Variants in SORBS3 observed in about 807,000 individuals in gnomAD.
SORBS3 encodes vinexin.
Under a neutral mutation model 98.0 loss-of-function variants are expected in SORBS3, and 69 were observed. The ratio of observed to expected loss-of-function variants is 0.70; its 90% confidence interval spans 0.58 to 0.86. The LOEUF (loss-of-function observed/expected upper bound fraction) is 0.86. Ranked by LOEUF, SORBS3 falls within the 40% of genes least tolerant of loss-of-function variation. The pLI, the probability that SORBS3 is intolerant of heterozygous loss-of-function variation, is 0.00. For synonymous variants in SORBS3, 394 were observed against 355.4 expected, an observed-to-expected ratio of 1.11 and a Z score of -1.22; for missense variants, 954 against 908.5, an observed-to-expected ratio of 1.05 and a Z score of -0.64.
At chr8:22,572,248 T>C in intron 19 of SORBS3, 92 bp from the exon 20 acceptor site, 1 of 1,024,210 alleles carries the variant, frequency 9.8e-7, no homozygotes, top group Non-Finnish European at 1.5e-6. Context: ...AGTGAGAGCA[T>C]GAAGGGACCC....
At chr8:22,548,556 A>G (rs146838009), upstream of SORBS3, among the ~76,000 whole-genome samples, 13 of 152,262 alleles carry the variant, frequency 8.5e-5, 2 homozygotes, top group African/African-American at 2.9e-4. Flanking sequence ...AAACCCCCCA[A>G]AAAATCTACT....
At chr8:22,558,244 G>C (rs762185875) in intron 5 of SORBS3, 52 bp downstream of exon 5, 2 of 1,547,650 alleles carry the variant, frequency 1.3e-6, no homozygotes, top group Non-Finnish European at 8.9e-7. Context: ...TCTGGCCCCT[G>C]GGGCTTGGAG....
intron 5 of SORBS3, among the ~76,000 whole-genome samples, 197 bp downstream of exon 5, chr8:22,558,389 CAAG>C (rs1488702865): frequency 6.6e-6 from 1 of 152,190 alleles, no homozygotes; most frequent in Non-Finnish European, 1.5e-5. Flanking sequence ...AGAGCATCCC[CAAG>C]AAGAACATTG....
chr8:22,568,695 G>A (rs981522887), intron 16 of SORBS3, among the ~76,000 whole-genome samples: 2 of 152,172 alleles, frequency 1.3e-5, no homozygotes, highest in African/African-American at 2.4e-5. Flanking sequence ...TCTGGGCTCC[G>A]GCTGGGGTAG....
At chr8:22,567,554 T>C (rs1225499256) in intron 16 of SORBS3, among the ~76,000 whole-genome samples, 1 of 152,222 alleles carries the variant, frequency 6.6e-6, no homozygotes. Context: ...TTCAGGTGTA[T>C]TACCGCCCTG....
chr8:22,574,177 C>T (rs562894282), intron 20 of SORBS3, among the ~76,000 whole-genome samples: 1 of 152,296 alleles, frequency 6.6e-6, no homozygotes, highest in East Asian at 1.9e-4. Flanking sequence ...GGGTTCCCCC[C>T]CCTCCTCCTC....
intron 4 of SORBS3, among the ~76,000 whole-genome samples, chr8:22,557,621 C>T (rs1200334097): frequency 1.3e-5 from 2 of 151,388 alleles, no homozygotes; most frequent in African/African-American, 2.4e-5. Flanking sequence ...GCCTGGGCAA[C>T]ATAGTGAGAC....
At chr8:22,566,737 G>A (rs1425338046) in intron 14 of SORBS3, 24 bp downstream of exon 14, 2 of 1,613,420 alleles carry the variant, frequency 1.2e-6, no homozygotes, top group Non-Finnish European at 1.7e-6. Context: ...CAGGTGTGGG[G>A]GACCTGGAGT....
chr8:22,566,359 G>A lies in SORBS3; in HGVS notation c.965G>A (p.Trp322Ter). 1 of 1,613,684 alleles carries A rather than the reference G, an allele frequency of 6.2e-7. No individual in the cohort carries two copies. The highest frequency in any genetic ancestry group is 1.1e-5 in the South Asian group (1 of 91,080). The part of the protein sequence containing the change: ...QRPPAGPASA[W>*]SSSYPHAPYL... ...GCCCCGTGCAGCCCGGCCTCAGCCTGGAGCTCCAGCTACCCACATGCACCT... is the reference window on the plus strand; with the variant it reads ...GCCCCGTGCAGCCCGGCCTCAGCCTAGAGCTCCAGCTACCCACATGCACCT... Residue 322 changes from tryptophan (W) to a stop codon, truncating the protein, a stop_gained, in exon 13 of 21, where the codon TGG (tryptophan) becomes TAG (stop). Coordinates refer to ENST00000240123, the MANE Select transcript of SORBS3 (RefSeq NM_005775.5). LOFTEE classifies it high-confidence loss of function.
Position 22,554,508 on chromosome 8 carries a change from TGCAGGGCCCACCCCGCA to T in SORBS3, c.5_21del (p.Gln2_?7). 1 of 1,611,014 alleles carries T rather than the reference TGCAGGGCCCACCCCGCA, an allele frequency of 6.2e-7. No homozygotes were observed. ...GAGTCCTCCCACCTTGACCCAAGCA[TGCAGGGCCCACCCCGCA>T]GCCTCCGCGCTGGGCTCAGCCTGGA... On this transcript the variant is annotated frameshift_variant and start_lost, in exon 2 of 21. Transcript: ENST00000240123. LOFTEE classifies it high-confidence loss of function. This position sits in a 1 kb window ranked among gnomAD's most constrained non-coding sequence, Gnocchi z 6.5.
At chr8:22,573,542 T>G in intron 20 of SORBS3, 1 of 407,686 alleles carries the variant, frequency 2.5e-6, no homozygotes, top group South Asian at 1.7e-5. Context: ...AGGTGGCGAG[T>G]GGTGCCCATT....
Position 22,564,501 on chromosome 8 carries a change from A to G in SORBS3, c.796A>G (p.Lys266Glu), listed in dbSNP as rs776377230. 11 of 1,614,054 alleles carry G rather than the reference A, an allele frequency of 6.8e-6. No homozygotes were observed. Among genetic ancestry groups the G allele is most frequent in the Non-Finnish European group, 7.6e-6 (9 of 1,180,016 alleles). The change falls in exon 10 of 21, where the codon AAG becomes GAG. Residue 266 changes from lysine to glutamate, a missense_variant. By Grantham distance (56) the Lys-to-Glu change is moderately conservative. Coordinates refer to ENST00000240123, the MANE Select transcript of SORBS3 (RefSeq NM_005775.5). ...ACCGCTGGTGGACGACCCTGGTGAG[A>G]AGCCCTCCCAGCCCATTGAGGTGAG... ...KKPLVDDPGE[K>E]PSQPIEVLLE... is the part of the protein sequence containing the mutation.
intron 20 of SORBS3, 82 bp downstream of exon 20, chr8:22,572,528 G>A (rs1840616008): frequency 8.7e-7 from 1 of 1,144,240 alleles, no homozygotes. Flanking sequence ...TGCTGCTTCA[G>A]CAAAGATTCA....
intron 20 of SORBS3, chr8:22,573,379 C>T (rs1278613851): frequency 6.6e-6 from 3 of 456,132 alleles, no homozygotes; most frequent in African/African-American, 4.0e-5. Flanking sequence ...TATTAGGAGC[C>T]ACAAGCGCTT....
At chr8:22,558,257 A>G in intron 5 of SORBS3, 65 bp downstream of exon 5, 4 of 1,492,110 alleles carry the variant, frequency 2.7e-6, no homozygotes, top group Non-Finnish European at 3.7e-6. Flanking sequence ...GCTTGGAGAG[A>G]CAGGGAAAGA....
chr8:22,574,071 C>T (rs890384613), intron 20 of SORBS3, among the ~76,000 whole-genome samples: 44 of 152,264 alleles, frequency 2.9e-4, no homozygotes, highest in Admixed American at 2.7e-3. Flanking sequence ...TCCTCCAGGG[C>T]GTCCTTCTCT....
chr8:22,558,849 G>A lies in SORBS3; in HGVS notation c.478+657G>A, dbSNP rs552729556. ...ATCAGACCATGGAGGGAGTGAAGGA[G>A]TCGGCCTGGCAGAGCTGGGGGAAGC... On this transcript the variant is annotated intron_variant, in intron 5 of 20. Transcript: ENST00000240123. Among the ~76,000 whole-genome samples the A allele has an allele frequency of 3.5e-4, 53 of 152,338 alleles. 1 individual carries two copies. The highest frequency in any genetic ancestry group is 2.9e-3 in the South Asian group (14 of 4,828).
upstream of SORBS3, among the ~76,000 whole-genome samples, chr8:22,549,185 C>T (rs570013373): frequency 6.6e-6 from 1 of 152,322 alleles, no homozygotes; most frequent in Non-Finnish European, 1.5e-5. Flanking sequence ...AGGGCAGTGC[C>T]AGAGGTGGGG....
In SORBS3 at chr8:22,554,583, T is replaced by C; in HGVS notation, c.77T>C (p.Ile26Thr). The C allele has an allele frequency of 1.2e-6, 2 of 1,612,532 alleles. No homozygotes were observed. Among genetic ancestry groups the C allele is most frequent in the South Asian group, 1.1e-5 (1 of 91,070 alleles). Residue 26 changes from isoleucine to threonine, a missense_variant, in exon 2 of 21, where the codon ATA becomes ACA. Physicochemically the swap from Ile to Thr is moderately conservative, Grantham distance 89. Coordinates refer to ENST00000240123, the MANE Select transcript of SORBS3 (RefSeq NM_005775.5). The surrounding 1 kb of genome is among the most constrained non-coding windows in gnomAD (Gnocchi z 6.5). ...ATCCCTGGCCACCTCCAGTCCCACA[T>C]AGGGTCTTCCTCCCGGGGGACACGG... Reference protein sequence around the residue: ...DFIPGHLQSHIGSSSRGTRVP... With the variant: ...DFIPGHLQSHTGSSSRGTRVP...
Sources: gnomAD v4.1 joint callset for allele counts (sites outside exome capture counted in the v4.1 genomes callset) on GRCh38, gnomAD v4.1.1 for gene constraint, Gnocchi (gnomAD v3.1) non-coding constraint, MANE v1.5 for transcripts, NCBI Gene and HGNC (gene_info 2026-07-23, HGNC 2026-07-21) for gene names.